CD302: variants seen among roughly 807,000 people sequenced by gnomAD.
The protein encoded by CD302 is CD302 antigen.
CD302 carries 23 observed loss-of-function variants against 26.5 expected under a neutral mutation model. The observed-to-expected ratio is 0.87, with a 90% confidence interval of 0.62 to 1.23. The LOEUF (loss-of-function observed/expected upper bound fraction) is 1.23, where lower values mean the gene tolerates loss of function less well. CD302 is among the 50% of genes most tolerant of loss of function. The probability of loss-of-function intolerance (pLI) is 0.00; values close to 1 mark genes in which losing one functional copy is unlikely to be tolerated. For synonymous variants in CD302, 90 were observed against 99.4 expected (o/e 0.91, Z 0.56); for missense variants, 290 against 275.5 (o/e 1.05, Z -0.37).
intron 1 of CD302, among the ~76,000 whole-genome samples, chr2:159,789,353 G>A (rs911860839): frequency 6.6e-6 from 1 of 151,932 alleles, no homozygotes; most frequent in African/African-American, 2.4e-5. Context: ...TATAATGTCA[G>A]TGATTTTTCA....
At chr2:159,780,615 TAC>T (rs1455317499) in intron 3 of CD302, among the ~76,000 whole-genome samples, 2 of 152,216 alleles carry the variant, frequency 1.3e-5, no homozygotes, top group Admixed American at 1.3e-4. Flanking sequence ...CACTAATACT[TAC>T]CTTTATGATC....
At chr2:159,779,333 CA>C (rs1708438699) in intron 4 of CD302, among the ~76,000 whole-genome samples, 1 of 135,842 alleles carries the variant, frequency 7.4e-6, no homozygotes, top group African/African-American at 2.8e-5. Flanking sequence ...TTTGCCTAAA[CA>C]AAGGATGTTC....
chr2:159,770,693 C>CAAAT lies in CD302; in HGVS notation c.*1154_*1157dup, dbSNP rs767195618. On this transcript the variant is annotated 3_prime_UTR_variant, in exon 6 of 6. Transcript: ENST00000259053. ...TGTACCTTTTCTATATTTAGATACA[C>CAAAT]AAATATTGTGTTACAATTGTCTGCA... The CAAAT allele has an allele frequency of 6.6e-6, 1 of 152,138 alleles. No individual in the cohort carries two copies. The highest frequency in any genetic ancestry group is 1.5e-5 in the Non-Finnish European group (1 of 68,018). The allele number at this position is 152,138 out of a possible 1,614,324, so 9.4% of individuals were successfully genotyped here.
At chr2:159,778,044 T>C (rs1470388407) in intron 4 of CD302, 80 bp from the exon 5 acceptor site, 3 of 556,518 alleles carry the variant, frequency 5.4e-6, no homozygotes, top group Non-Finnish European at 8.1e-6. Flanking sequence ...TCACAATCAT[T>C]AAAAATAAAC....
intron 2 of CD302, among the ~76,000 whole-genome samples, chr2:159,782,136 T>C (rs1318982513): frequency 3.3e-5 from 5 of 151,800 alleles, no homozygotes; most frequent in African/African-American, 1.2e-4. Context: ...GGTGTGGTGA[T>C]GCACCCCTGT....
At chr2:159,780,309 TAGAA>T in intron 3 of CD302, 131 bp from the exon 4 acceptor site, 6 of 982,254 alleles carry the variant, frequency 6.1e-6, no homozygotes, top group Non-Finnish European at 7.3e-6. Context: ...GGATTAAAAT[TAGAA>T]GGAGGAATAT....
chr2:159,774,724 CTT>C (rs1227866848), intron 5 of CD302, among the ~76,000 whole-genome samples: 3 of 152,354 alleles, frequency 2.0e-5, no homozygotes, highest in Admixed American at 6.5e-5. Context: ...CTTGGACTAA[CTT>C]GACCTTTCCT....
chr2:159,774,621 T>A (rs1708256150), intron 5 of CD302, among the ~76,000 whole-genome samples: 1 of 152,178 alleles, frequency 6.6e-6, no homozygotes, highest in Non-Finnish European at 1.5e-5. Flanking sequence ...ATTTGTCACC[T>A]CAGATAACCT....
At chr2:159,773,032 G>GA (rs112193607) in intron 5 of CD302, among the ~76,000 whole-genome samples, 6,308 of 152,114 alleles carry the variant, frequency 0.041, 419 homozygotes, top group African/African-American at 0.14. Context: ...ACATTAAAAT[G>GA]AAAAAAAGCC....
chr2:159,775,990 A>T, intron 5 of CD302, among the ~76,000 whole-genome samples: 1 of 121,672 alleles, frequency 8.2e-6, no homozygotes, highest in Admixed American at 9.4e-5. Flanking sequence ...GGCTCACTGC[A>T]GCCTCTGCCT....
At chr2:159,788,520 G>A (rs1034098427) in intron 1 of CD302, among the ~76,000 whole-genome samples, 1 of 152,178 alleles carries the variant, frequency 6.6e-6, no homozygotes, top group Non-Finnish European at 1.5e-5. Flanking sequence ...ATGAAAAATT[G>A]CATTTCTCAA....
At chr2:159,777,998 A>C (rs923852324) in intron 4 of CD302, 34 bp from the exon 5 acceptor site, 1 of 865,830 alleles carries the variant, frequency 1.2e-6, no homozygotes, top group African/African-American at 1.8e-5. Flanking sequence ...ATTAGAATTT[A>C]ATTATGCTTT....
intron 5 of CD302, among the ~76,000 whole-genome samples, chr2:159,776,426 T>C (rs1308278926): frequency 4.6e-5 from 7 of 151,774 alleles, no homozygotes; most frequent in Non-Finnish European, 1.0e-4. Flanking sequence ...ATACTCAGAA[T>C]TGCTGGATCA....
chr2:159,791,036 T>C (rs543317213), intron 1 of CD302, among the ~76,000 whole-genome samples: 2 of 152,244 alleles, frequency 1.3e-5, no homozygotes, highest in African/African-American at 4.8e-5. Flanking sequence ...ATATGATCTC[T>C]AAAACACTGA....
At chr2:159,779,392 TA>T (rs1399687640) in intron 4 of CD302, among the ~76,000 whole-genome samples, 1 of 152,152 alleles carries the variant, frequency 6.6e-6, no homozygotes, top group Non-Finnish European at 1.5e-5. Flanking sequence ...ATTCTGGAAT[TA>T]TACATGATTA....
At chr2:159,779,396 CATG>C (rs947656134) in intron 4 of CD302, among the ~76,000 whole-genome samples, 3 of 152,110 alleles carry the variant, frequency 2.0e-5, no homozygotes, top group Admixed American at 1.3e-4. Context: ...TGGAATTATA[CATG>C]ATTACTCTTC....
chr2:159,793,883 G>A (rs1362077909), intron 1 of CD302, among the ~76,000 whole-genome samples: 1 of 152,010 alleles, frequency 6.6e-6, no homozygotes, highest in African/African-American at 2.4e-5. Flanking sequence ...TTCATAGAAG[G>A]GGTGTGCCAT....
At position 159,770,019 on chromosome 2, in the gene CD302, C is replaced by T. The variant is rs917943457; in HGVS notation, c.*1832G>A. The T allele has an allele frequency of 2.0e-5, 3 of 152,140 alleles. No individual in the cohort carries two copies. Among genetic ancestry groups the T allele is most frequent in the African/African-American group, 4.8e-5 (2 of 41,426 alleles). 9.4% of individuals were successfully genotyped at this position (152,140 alleles called of 1,614,324 possible). ...GCTCATTGGACATTGTAGTTGTAGA[C>T]GTTTGAGACTGTTGGTTTTAAGTTG... On this transcript the variant is annotated 3_prime_UTR_variant, in exon 6 of 6. Transcript: ENST00000259053.
chr2:159,788,271 G>A (rs949665435), intron 1 of CD302, among the ~76,000 whole-genome samples: 3 of 152,138 alleles, frequency 2.0e-5, no homozygotes, highest in Admixed American at 6.5e-5. Context: ...ATATATGGCA[G>A]GGTTCCCATG....
Sources: allele counts gnomAD v4.1 joint callset (sites outside exome capture counted in the v4.1 genomes callset), GRCh38; gene constraint gnomAD v4.1.1; transcripts MANE v1.5; gene names NCBI Gene and HGNC (gene_info 2026-07-23, HGNC 2026-07-21).